NRXN3: variants seen among roughly 807,000 people sequenced by gnomAD.
NRXN3 encodes the protein neurexin 3.
A neutral mutation model predicts 137.6 loss-of-function variants in NRXN3; 32 were observed. That is an observed-to-expected ratio of 0.23 (90% CI 0.18 to 0.31). The LOEUF is 0.31. NRXN3 is among the 10% of genes least tolerant of loss of function. The pLI, the probability that NRXN3 is intolerant of heterozygous loss-of-function variation, is 1.00. For missense variants in NRXN3, 1,574 were observed against 2,062.5 expected (o/e 0.76, Z 4.59); for synonymous variants, 798 against 784.5 (o/e 1.02, Z -0.29).
intron 15 of NRXN3, among the ~76,000 whole-genome samples, chr14:79,267,026 G>A (rs2078549420): frequency 6.6e-6 from 1 of 152,188 alleles, no homozygotes. Flanking sequence ...AAAGTTGACT[G>A]TAAGTATTGC....
At position 79,866,403 on chromosome 14, in the gene NRXN3, A is replaced by G. The variant is rs2099418088; in HGVS notation, c.*4439A>G. The G allele has an allele frequency of 6.6e-6, 1 of 152,226 alleles. No homozygotes were observed. The highest frequency in any genetic ancestry group is 1.5e-5 in the Non-Finnish European group (1 of 68,038). The allele number at this position is 152,226 out of a possible 1,614,324, so 9.4% of individuals were successfully genotyped here. On this transcript the variant is annotated 3_prime_UTR_variant, in exon 21 of 21. Transcript: ENST00000335750. ...AAACTAAGTTGGGAGCTTAGAAGAAATTATGTAAGGGAAGGCTTCATAGAA... is the reference window on the plus strand; with the variant it reads ...AAACTAAGTTGGGAGCTTAGAAGAAGTTATGTAAGGGAAGGCTTCATAGAA...
chr14:79,091,650 T>C (rs1411186986), intron 15 of NRXN3, among the ~76,000 whole-genome samples: 3 of 152,142 alleles, frequency 2.0e-5, no homozygotes, highest in African/African-American at 7.2e-5. Context: ...ATTGTTTAAG[T>C]CAGTGGGTGA....
At chr14:79,579,230 A>C (rs1602387865) in intron 16 of NRXN3, among the ~76,000 whole-genome samples, 1 of 151,536 alleles carries the variant, frequency 6.6e-6, no homozygotes, top group Non-Finnish European at 1.5e-5. Flanking sequence ...CTAAGGAATG[A>C]CCAAATTGAA....
intron 16 of NRXN3, chr14:79,611,807 T>C (rs2098106562): frequency 6.6e-6 from 1 of 152,186 alleles, no homozygotes; most frequent in Non-Finnish European, 1.5e-5. Flanking sequence ...TTGTGTGAGA[T>C]TGGGAAAGTT....
intron 8 of NRXN3, among the ~76,000 whole-genome samples, chr14:78,790,115 T>C (rs2098800682): frequency 6.6e-6 from 1 of 152,188 alleles, no homozygotes; most frequent in Non-Finnish European, 1.5e-5. Context: ...AATTAAGTCA[T>C]ATTTTAAAAT....
chr14:78,259,071 G>T (rs375045045), intron 2 of NRXN3, among the ~76,000 whole-genome samples: 5 of 150,998 alleles, frequency 3.3e-5, no homozygotes, highest in African/African-American at 1.2e-4. Flanking sequence ...GGTGGAGGTT[G>T]CAGTGAGCCA....
intron 17 of NRXN3, among the ~76,000 whole-genome samples, chr14:79,678,693 A>G (rs1251085560): frequency 6.6e-6 from 1 of 152,186 alleles, no homozygotes; most frequent in Non-Finnish European, 1.5e-5. Context: ...TCACCTGTCC[A>G]TCTCTTGTCC....
chr14:79,496,704 C>G (rs899009102), intron 16 of NRXN3, among the ~76,000 whole-genome samples: 1 of 152,142 alleles, frequency 6.6e-6, no homozygotes, highest in Non-Finnish European at 1.5e-5. Flanking sequence ...AGAGGTAAAA[C>G]TGTGATAGTA....
At chr14:79,661,307 A>T (rs1342090033) in intron 16 of NRXN3, among the ~76,000 whole-genome samples, 1 of 152,146 alleles carries the variant, frequency 6.6e-6, no homozygotes, top group Non-Finnish European at 1.5e-5. Flanking sequence ...ATTGCATATT[A>T]TGTAATCAGG....
intron 2 of NRXN3, among the ~76,000 whole-genome samples, chr14:78,267,733 CCAAT>C (rs2072007467): frequency 6.6e-6 from 1 of 152,280 alleles, no homozygotes; most frequent in South Asian, 2.1e-4. Flanking sequence ...TGAGATTTCT[CCAAT>C]CAAAGACTTT....
At chr14:78,187,370 C>T (rs1340374269) in intron 1 of NRXN3, among the ~76,000 whole-genome samples, 1 of 151,866 alleles carries the variant, frequency 6.6e-6, no homozygotes, top group Admixed American at 6.6e-5. Context: ...TAGGTAACTC[C>T]CTGCTTTTTG....
chr14:78,335,836 G>T (rs531943133), intron 4 of NRXN3, among the ~76,000 whole-genome samples: 1 of 152,198 alleles, frequency 6.6e-6, no homozygotes, highest in South Asian at 2.1e-4. Flanking sequence ...AACTGCTGGG[G>T]AAGGCACAGG....
chr14:79,520,231 G>A (rs554755038), intron 16 of NRXN3, among the ~76,000 whole-genome samples: 55 of 151,646 alleles, frequency 3.6e-4, no homozygotes, highest in Admixed American at 2.5e-3. Flanking sequence ...GCATTCTTCC[G>A]GCATGCCTTG....
chr14:78,467,490 T>G (rs1426915702), intron 4 of NRXN3, among the ~76,000 whole-genome samples: 1 of 152,240 alleles, frequency 6.6e-6, no homozygotes, highest in Non-Finnish European at 1.5e-5. Context: ...TAGTACTAAC[T>G]GCTACAGCCC....
chr14:79,701,391 A>G (rs2098754052), intron 19 of NRXN3, among the ~76,000 whole-genome samples: 1 of 152,126 alleles, frequency 6.6e-6, no homozygotes, highest in East Asian at 1.9e-4. Flanking sequence ...TGTGCCATCT[A>G]GAGAGATGAT....
At chr14:79,773,511 A>C (rs2099086220) in intron 19 of NRXN3, among the ~76,000 whole-genome samples, 1 of 151,842 alleles carries the variant, frequency 6.6e-6, no homozygotes, top group African/African-American at 2.4e-5. Context: ...CATCATTCTC[A>C]GTAAACTATC....
At chr14:79,597,777 T>A (rs984470021) in intron 16 of NRXN3, among the ~76,000 whole-genome samples, 2 of 152,258 alleles carry the variant, frequency 1.3e-5, no homozygotes, top group East Asian at 3.9e-4. Flanking sequence ...AGCTGATTCA[T>A]AGCCTGAGTC....
intron 4 of NRXN3, among the ~76,000 whole-genome samples, chr14:78,622,721 G>A (rs2097418640): frequency 6.6e-6 from 1 of 152,258 alleles, no homozygotes; most frequent in African/African-American, 2.4e-5. Context: ...GGGTTAGCAA[G>A]TGATTTTCCT....
intron 4 of NRXN3, among the ~76,000 whole-genome samples, chr14:78,543,555 TG>T (rs1424240088): frequency 6.6e-6 from 1 of 151,904 alleles, no homozygotes; most frequent in Non-Finnish European, 1.5e-5. Flanking sequence ...TCTCTCTTGG[TG>T]GGGGTCTGTG....
Sources: allele counts gnomAD v4.1 joint callset (sites outside exome capture counted in the v4.1 genomes callset), GRCh38; gene constraint gnomAD v4.1.1; transcripts MANE v1.5; gene names NCBI Gene and HGNC (gene_info 2026-07-23, HGNC 2026-07-21).